Variants in RAB28 observed in about 807,000 individuals in gnomAD.
RAB28 encodes ras-related protein Rab-28.
RAB28 carries 24 observed loss-of-function variants against 31.7 expected under a neutral mutation model. That is an observed-to-expected ratio of 0.76 (90% confidence interval 0.55 to 1.06). The LOEUF (loss-of-function observed/expected upper bound fraction) is 1.06, where lower values mean the gene tolerates loss of function less well. RAB28 is among the 50% of genes least tolerant of loss of function. The probability of loss-of-function intolerance (pLI) is 0.00; values close to 1 mark genes in which losing one functional copy is unlikely to be tolerated. For missense variants in RAB28, 254 were observed against 258.5 expected (o/e 0.98, Z 0.12); for synonymous variants, 100 against 90.4 (o/e 1.11, Z -0.60).
chr4:13,433,849 T>TGA (rs1444525420), intron 4 of RAB28, among the ~76,000 whole-genome samples: 1 of 151,986 alleles, frequency 6.6e-6, no homozygotes. Context: ...CCGAAAAATA[T>TGA]ATATATATGC....
intron 4 of RAB28, among the ~76,000 whole-genome samples, chr4:13,393,079 G>T (rs369029496): frequency 6.6e-5 from 10 of 152,154 alleles, no homozygotes; most frequent in African/African-American, 2.4e-4. Context: ...AGTGCTAAAA[G>T]CTGGGAAGGC....
Position 13,458,110 on chromosome 4 carries a change from A to G in RAB28, c.391+2589T>C, listed in dbSNP as rs78807949. Among the ~76,000 whole-genome samples the G allele has an allele frequency of 7.0e-3, 1,068 of 152,310 alleles. 4 individuals carry two copies. The highest frequency in any genetic ancestry group is 0.012 in the Non-Finnish European group (822 of 68,016). ...AACTGAAAAGCATCTGATTCACTCA[A>G]TTAAAAAGAATCATTTGCAAAACAA... On this transcript the variant is annotated intron_variant, in intron 4 of 6. Coordinates refer to ENST00000330852, the MANE Select transcript of RAB28 (RefSeq NM_001017979.3).
intron 4 of RAB28, among the ~76,000 whole-genome samples, chr4:13,408,120 C>T (rs974230941): frequency 1.3e-5 from 2 of 152,128 alleles, no homozygotes; most frequent in South Asian, 2.1e-4. Context: ...CCAGCTTTTG[C>T]CCATTCAGTA....
chr4:13,459,989 A>G, intron 4 of RAB28: 1 of 1,047,560 alleles, frequency 9.5e-7, no homozygotes. Flanking sequence ...TGACCAAAGC[A>G]GCGGAGCAGT....
intron 4 of RAB28, among the ~76,000 whole-genome samples, chr4:13,439,115 A>G (rs1319255984): frequency 6.6e-6 from 1 of 152,144 alleles, no homozygotes; most frequent in Non-Finnish European, 1.5e-5. Flanking sequence ...CCATTTTTAA[A>G]TTGAGTTATT....
chr4:13,441,571 C>A (rs1256657735), intron 4 of RAB28, among the ~76,000 whole-genome samples: 1 of 152,184 alleles, frequency 6.6e-6, no homozygotes, highest in Non-Finnish European at 1.5e-5. Context: ...TGCTTCCAGG[C>A]TTCCCTCAAG....
Position 13,369,919 on chromosome 4 carries a change from T to C in RAB28, c.574-1269A>G, listed in dbSNP as rs749261777. ...TCTACTCTGAGTAGAGGTGGTATGT[T>C]GATTTTCTTCTTCCGGGTACTTCAC... On this transcript the variant is annotated intron_variant, in intron 6 of 6. Transcript: ENST00000330852. 1.2e-6 allele frequency: 2 copies of C among 1,612,680 alleles called. No individual in the cohort carries two copies.
intron 4 of RAB28, among the ~76,000 whole-genome samples, chr4:13,447,084 C>A (rs1714740258): frequency 1.3e-5 from 2 of 152,116 alleles, no homozygotes; most frequent in East Asian, 3.9e-4. Context: ...TTATTCCTAG[C>A]CAACCACTTC....
At chr4:13,483,867 G>A (rs1716735509) in intron 1 of RAB28, among the ~76,000 whole-genome samples, 1 of 152,212 alleles carries the variant, frequency 6.6e-6, no homozygotes, top group Non-Finnish European at 1.5e-5. Flanking sequence ...GTTAGGAAGT[G>A]ACTCTTTTTT....
intron 4 of RAB28, among the ~76,000 whole-genome samples, chr4:13,426,001 AGGTT>A: frequency 6.6e-6 from 1 of 152,300 alleles, no homozygotes; most frequent in South Asian, 2.1e-4. Context: ...AAGAAATTAA[AGGTT>A]AGGTTAAAAG....
chr4:13,436,574 A>T (rs1268795972), intron 4 of RAB28, among the ~76,000 whole-genome samples: 2 of 152,180 alleles, frequency 1.3e-5, no homozygotes, highest in Non-Finnish European at 2.9e-5. Flanking sequence ...CAAGCTTAGA[A>T]CCAAATCAAG....
intron 4 of RAB28, among the ~76,000 whole-genome samples, chr4:13,409,273 T>C (rs1294314703): frequency 1.3e-5 from 2 of 152,184 alleles, no homozygotes; most frequent in Non-Finnish European, 2.9e-5. Flanking sequence ...GAATCACTTG[T>C]TACTGAAAAA....
intron 6 of RAB28, 133 bp downstream of exon 6, chr4:13,376,412 T>C (rs1728923350): frequency 1.8e-6 from 1 of 570,270 alleles, no homozygotes; most frequent in Non-Finnish European, 3.0e-6. Flanking sequence ...CACTGATTCA[T>C]ACATACAATC....
At chr4:13,378,445 C>T (rs1276861433) in intron 5 of RAB28, among the ~76,000 whole-genome samples, 1 of 151,990 alleles carries the variant, frequency 6.6e-6, no homozygotes, top group Non-Finnish European at 1.5e-5. Flanking sequence ...GGAAGAGAAA[C>T]TGGCAAAAGA....
intron 3 of RAB28, among the ~76,000 whole-genome samples, chr4:13,468,414 T>C (rs917602222): frequency 2.6e-5 from 4 of 151,672 alleles, no homozygotes; most frequent in Non-Finnish European, 5.9e-5. Context: ...CAGAAATCAG[T>C]AACAGTAAAA....
chr4:13,435,559 C>G (rs959144210), intron 4 of RAB28, among the ~76,000 whole-genome samples: 13 of 152,094 alleles, frequency 8.5e-5, no homozygotes, highest in African/African-American at 3.1e-4. Flanking sequence ...ACTGACAGCA[C>G]AGAACTACAA....
intron 3 of RAB28, among the ~76,000 whole-genome samples, chr4:13,468,325 C>G (rs1239491979): frequency 6.6e-6 from 1 of 151,906 alleles, no homozygotes; most frequent in Non-Finnish European, 1.5e-5. Context: ...CCAAGATAAA[C>G]TACATTCTGG....
chr4:13,393,060 A>G (rs757950331), intron 4 of RAB28, among the ~76,000 whole-genome samples: 2 of 152,232 alleles, frequency 1.3e-5, no homozygotes, highest in Non-Finnish European at 2.9e-5. Flanking sequence ...ACTCACCAAC[A>G]ATTTATGTAG....
At chr4:13,451,886 T>C (rs1341511898) in intron 4 of RAB28, among the ~76,000 whole-genome samples, 1 of 152,042 alleles carries the variant, frequency 6.6e-6, no homozygotes, top group African/African-American at 2.4e-5. Context: ...TTGTTAAAAG[T>C]TAATTCACTG....
Sources: allele counts gnomAD v4.1 joint callset (sites outside exome capture counted in the v4.1 genomes callset), GRCh38; gene constraint gnomAD v4.1.1; transcripts MANE v1.5; gene names NCBI Gene and HGNC (gene_info 2026-07-23, HGNC 2026-07-21).